The following RSPO2 variants were observed in gnomAD, a reference collection of about 807,000 sequenced individuals.
RSPO2 encodes the protein R-spondin 2.
A neutral mutation model predicts 30.9 loss-of-function variants in RSPO2; 14 were observed. That is an observed-to-expected ratio of 0.45 (90% CI 0.30 to 0.71). The LOEUF (loss-of-function observed/expected upper bound fraction) is 0.71. Ranked by LOEUF, RSPO2 falls within the 30% of genes least tolerant of loss-of-function variation. The probability of loss-of-function intolerance (pLI) is 0.08; values close to 1 mark genes in which losing one functional copy is unlikely to be tolerated. For missense variants in RSPO2, 264 were observed against 301.9 expected (o/e 0.87, Z 0.93); for synonymous variants, 107 against 96.4 (o/e 1.11, Z -0.64).
chr8:108,051,295 A>T (rs1219229245), intron 2 of RSPO2, among the ~76,000 whole-genome samples: 3 of 152,192 alleles, frequency 2.0e-5, no homozygotes, highest in Non-Finnish European at 4.4e-5. Flanking sequence ...ACTGAACATG[A>T]CAAAGGTAGC....
chr8:108,059,662 C>G (rs1235442057), intron 2 of RSPO2, among the ~76,000 whole-genome samples: 1 of 147,472 alleles, frequency 6.8e-6, no homozygotes, highest in East Asian at 2.0e-4. Context: ...CCATGGAATA[C>G]TATGCAGCCA....
intron 5 of RSPO2, among the ~76,000 whole-genome samples, chr8:107,903,890 A>G (rs938550261): frequency 1.3e-5 from 2 of 152,056 alleles, no homozygotes; most frequent in Non-Finnish European, 2.9e-5. Flanking sequence ...TTAACTGAAA[A>G]TATTTTGTGG....
At chr8:107,974,849 C>A (rs1201741606) in intron 3 of RSPO2, among the ~76,000 whole-genome samples, 1 of 148,802 alleles carries the variant, frequency 6.7e-6, no homozygotes, top group Non-Finnish European at 1.5e-5. Flanking sequence ...CATACACATA[C>A]ACACACACAC....
intron 2 of RSPO2, among the ~76,000 whole-genome samples, chr8:108,001,818 G>A (rs1815257214): frequency 6.6e-6 from 1 of 152,152 alleles, no homozygotes; most frequent in Admixed American, 6.5e-5. Context: ...AAGTTAGCAT[G>A]TGTGTGTTGA....
intron 5 of RSPO2, among the ~76,000 whole-genome samples, chr8:107,918,089 G>A (rs771149171): frequency 8.5e-5 from 13 of 152,130 alleles, no homozygotes; most frequent in Non-Finnish European, 1.3e-4. Flanking sequence ...GGAGTTAATT[G>A]AATGGACTGA....
chr8:107,989,771 TG>T (rs1814783347), intron 2 of RSPO2, among the ~76,000 whole-genome samples: 1 of 152,154 alleles, frequency 6.6e-6, no homozygotes, highest in African/African-American at 2.4e-5. Context: ...CATTGTAGCA[TG>T]GGGGCTATAT....
In RSPO2 at chr8:107,939,413, C is replaced by T. The variant is rs111527602; in HGVS notation, c.616+18667G>A. On this transcript the variant is annotated intron_variant, in intron 5 of 5. Transcript: ENST00000276659. The stretch of plus-strand genomic sequence containing the variant: ...ATAGAAAAGTTACTAGACCAAAGGG[C>T]TCAATGATGAAAAAGTTATTATGGG... Among the ~76,000 whole-genome samples, 1,048 of 151,166 alleles carry T rather than the reference C, an allele frequency of 6.9e-3. 7 individuals are homozygous for T. The highest frequency in any genetic ancestry group is 0.024 in the African/African-American group (992 of 41,104).
In RSPO2 at chr8:108,070,557, A is replaced by G. The variant is rs546773617; in HGVS notation, c.94+11988T>C. ...TCCACCCGCCTCGGCCTCCCAAAGA[A>G]GACCCCATCTCTTAAAGTAGTTTTG... On this transcript the variant is annotated intron_variant, in intron 2 of 5. Transcript: ENST00000276659. Among the ~76,000 whole-genome samples the G allele has an allele frequency of 3.3e-5, 5 of 152,244 alleles. No homozygotes were observed. The South Asian group carries it at 1.0e-3, about 32-fold the overall frequency.
At chr8:108,011,211 G>GAAAGGA (rs200666974) in intron 2 of RSPO2, among the ~76,000 whole-genome samples, 1 of 150,044 alleles carries the variant, frequency 6.7e-6, no homozygotes, top group Non-Finnish European at 1.5e-5. Flanking sequence ...AAAAGGAAAG[G>GAAAGGA]AAAGGAAAAG....
Position 107,996,070 on chromosome 8 carries a change from A to C in RSPO2, c.95-6826T>G, listed in dbSNP as rs184181294. 3.9e-5 allele frequency among the ~76,000 whole-genome samples: 6 copies of C among 152,240 alleles called. No individual in the cohort carries two copies. In the East Asian group the frequency reaches 1.2e-3, roughly 29 times the overall value. On this transcript the variant is annotated intron_variant, in intron 2 of 5. Transcript: ENST00000276659. ...GGGTGTAAGTGAGTGAGGTTCAAAA[A>C]AATTAGGATATCGTTTAACTTCTCT...
intron 2 of RSPO2, among the ~76,000 whole-genome samples, chr8:108,040,732 C>A (rs1373476556): frequency 6.6e-6 from 1 of 152,080 alleles, no homozygotes; most frequent in Non-Finnish European, 1.5e-5. Context: ...AGTTACGAGA[C>A]TTTTGCAATA....
rs12676150 is a variant in RSPO2 at position 108,050,029 on chromosome 8, A to T, written c.94+32516T>A. On this transcript the variant is annotated intron_variant, in intron 2 of 5. Transcript: ENST00000276659. ...TGTTTCTTTTGTACCCTAAGCTTGG[A>T]ATTATAAAACTTAAATTCTCTCTAT... is the stretch of plus-strand genomic sequence containing the variant. 0.012 allele frequency among the ~76,000 whole-genome samples: 1,888 copies of T among 152,282 alleles called. 95 individuals carry two copies. In the East Asian group the frequency reaches 0.13, roughly 10 times the overall value.
chr8:108,029,054 CTTT>C (rs71308771), intron 2 of RSPO2, among the ~76,000 whole-genome samples: 14 of 26,182 alleles, frequency 5.3e-4, no homozygotes, highest in African/African-American at 8.2e-4. Context: ...TAACATGAGT[CTTT>C]TTTTTTTTTT....
intron 3 of RSPO2, among the ~76,000 whole-genome samples, chr8:107,970,128 C>G (rs2130467988): frequency 6.6e-6 from 1 of 152,252 alleles, no homozygotes; most frequent in Non-Finnish European, 1.5e-5. Flanking sequence ...TTAGGCTTTG[C>G]AGACCATACG....
intron 2 of RSPO2, chr8:107,996,967 A>G (rs1271394047): frequency 2.2e-6 from 1 of 450,814 alleles, no homozygotes; most frequent in Non-Finnish European, 4.4e-6. Flanking sequence ...ATTCCCTTAA[A>G]GCAAAAGTGA....
At chr8:107,988,386 A>G (rs1401793726) in intron 3 of RSPO2, among the ~76,000 whole-genome samples, 1 of 151,818 alleles carries the variant, frequency 6.6e-6, no homozygotes, top group African/African-American at 2.4e-5. Flanking sequence ...GGTAAACCAG[A>G]GAGATTGTTC....
intron 2 of RSPO2, among the ~76,000 whole-genome samples, chr8:108,015,095 A>G (rs573162403): frequency 8.5e-5 from 13 of 152,182 alleles, no homozygotes; most frequent in Non-Finnish European, 1.9e-4. Flanking sequence ...TGTGATTCAT[A>G]CGTTGGTTTC....
intron 2 of RSPO2, among the ~76,000 whole-genome samples, chr8:108,034,569 T>A (rs1811532761): frequency 6.6e-6 from 1 of 152,250 alleles, no homozygotes; most frequent in South Asian, 2.1e-4. Flanking sequence ...ACATTGAATC[T>A]GAGTTATGGG....
intron 2 of RSPO2, among the ~76,000 whole-genome samples, chr8:108,064,925 A>G (rs2130712485): frequency 6.6e-6 from 1 of 152,282 alleles, no homozygotes; most frequent in South Asian, 2.1e-4. Context: ...TCACAGGGAC[A>G]AAGCCGAACA....
Sources: gnomAD v4.1 joint callset for allele counts (sites outside exome capture counted in the v4.1 genomes callset) on GRCh38, gnomAD v4.1.1 for gene constraint, MANE v1.5 for transcripts, NCBI Gene and HGNC (gene_info 2026-07-23, HGNC 2026-07-21) for gene names.